SGCB: variants seen among roughly 807,000 people sequenced by gnomAD.
SGCB encodes the protein beta-sarcoglycan.
Under a neutral mutation model 27.3 loss-of-function variants are expected in SGCB, and 25 were observed. That is an observed-to-expected ratio of 0.92 (90% CI 0.67 to 1.28). The LOEUF (loss-of-function observed/expected upper bound fraction) is 1.28. Ranked by LOEUF, SGCB falls within the 50% of genes most tolerant of loss-of-function variation. SGCB has a pLI of 0.00. For missense variants in SGCB, 436 were observed against 402.1 expected (o/e 1.08, Z -0.72); for synonymous variants, 147 against 133.5 (o/e 1.10, Z -0.70).
At chr4:52,032,101 G>A (rs1348251315) in intron 2 of SGCB, 1 of 361,510 alleles carries the variant, frequency 2.8e-6, no homozygotes, top group African/African-American at 2.1e-5. Context: ...AGTGTGTCCA[G>A]AGACACACTA....
chr4:52,027,897 T>C, intron 5 of SGCB, 71 bp downstream of exon 5: 4 of 1,356,122 alleles, frequency 2.9e-6, no homozygotes, highest in Non-Finnish European at 4.2e-6. Flanking sequence ...AATAATTGTA[T>C]ACTATTCCAC....
Position 52,023,836 on chromosome 4 carries a change from T to C in SGCB, c.*121A>G. On this transcript the variant is annotated 3_prime_UTR_variant, in exon 6 of 6. Transcript: ENST00000381431. ...TTAACTATGTAGACCATAAAACAGA[T>C]ACAGCAGTGCTCTGCCATTAAAATA... 1 of 771,414 alleles carries C rather than the reference T, an allele frequency of 1.3e-6. No individual in the cohort carries two copies. Among genetic ancestry groups the C allele is most frequent in the South Asian group, 1.5e-5 (1 of 68,654 alleles). The allele number at this position is 771,414 out of a possible 1,614,324, so 47.8% of individuals were successfully genotyped here.
At chr4:52,025,089 A>G (rs998643384) in intron 5 of SGCB, among the ~76,000 whole-genome samples, 3 of 152,090 alleles carry the variant, frequency 2.0e-5, no homozygotes, top group Non-Finnish European at 4.4e-5. Flanking sequence ...CACTCAACAA[A>G]TAATTACTGA....
Position 52,028,204 on chromosome 4 carries a change from A to G in SGCB, c.622-105T>C, listed in dbSNP as rs188923460. Reference sequence around the variant, plus strand: ...CTTCAGTCATGAGAGATGAAAGTCAAATGTTTCTATTAATGTTTTAGAGAT... The same window carrying G: ...CTTCAGTCATGAGAGATGAAAGTCAGATGTTTCTATTAATGTTTTAGAGAT... On this transcript the variant is annotated intron_variant, in intron 4 of 5. Transcript: ENST00000381431. The G allele has an allele frequency of 3.5e-6, 3 of 866,130 alleles. No individual in the cohort carries two copies. The African/African-American group carries it at 5.1e-5, about 15-fold the overall frequency. The allele number at this position is 866,130 out of a possible 1,614,324, so 53.7% of individuals were successfully genotyped here. A position where few individuals can be genotyped will look rare whatever the true frequency, so the allele number is the denominator to read the frequency against.
chr4:52,032,847 A>G (rs1194661871), intron 2 of SGCB, among the ~76,000 whole-genome samples: 1 of 152,226 alleles, frequency 6.6e-6, no homozygotes, highest in African/African-American at 2.4e-5. Context: ...TTCAGATTAA[A>G]AGGATTTCTT....
intron 2 of SGCB, chr4:52,031,816 G>T: frequency 2.3e-6 from 1 of 441,914 alleles, no homozygotes; most frequent in South Asian, 1.6e-5. Flanking sequence ...GAGGGGTAGG[G>T]CTTGTGACTG....
chr4:52,026,744 A>C (rs1219559391), intron 5 of SGCB, among the ~76,000 whole-genome samples: 1 of 152,210 alleles, frequency 6.6e-6, no homozygotes, highest in Non-Finnish European at 1.5e-5. Flanking sequence ...TATATTTCAA[A>C]GTATTTAAAT....
rs753461705 is a variant in SGCB at position 52,028,929 on chromosome 4, A to G, written c.430-8T>C. On this transcript the variant is annotated splice_region_variant and splice_polypyrimidine_tract_variant and intron_variant, in intron 3 of 5. Transcript: ENST00000381431. ...CCCTTGCTGAAAAACAATCTTCAAA[A>G]AAAACAGTTTATTGTGAATATATTT... The G allele has an allele frequency of 6.2e-7, 1 of 1,607,190 alleles. No homozygotes were observed. The highest frequency in any genetic ancestry group is 1.7e-5 in the Admixed American group (1 of 60,020).
intron 1 of SGCB, 76 bp downstream of exon 1, chr4:52,038,151 G>C (rs1578129946): frequency 1.8e-6 from 2 of 1,125,166 alleles, no homozygotes; most frequent in East Asian, 9.5e-5. Context: ...CCCCGGCCAG[G>C]GCTCCCGCGG....
intron 5 of SGCB, 105 bp downstream of exon 5, chr4:52,027,863 A>T (rs1737141388): frequency 2.0e-5 from 23 of 1,126,382 alleles, no homozygotes; most frequent in Non-Finnish European, 3.0e-5. Flanking sequence ...TCCATGTCAA[A>T]AAATAGACAA....
intron 2 of SGCB, chr4:52,031,857 T>C: frequency 2.2e-6 from 1 of 454,450 alleles, no homozygotes. Context: ...ATTACATGGC[T>C]TTTTCACCGG....
At chr4:52,028,149 G>A in intron 4 of SGCB, 50 bp from the exon 5 acceptor site, 9 of 1,423,664 alleles carry the variant, frequency 6.3e-6, no homozygotes, top group South Asian at 1.2e-5. Context: ...ATTAATGTGA[G>A]AATTGTTATC....
chr4:52,032,019 T>C (rs1045366533), intron 2 of SGCB: 46 of 451,574 alleles, frequency 1.0e-4, no homozygotes, highest in African/African-American at 8.7e-4. Flanking sequence ...GGACCCAGAC[T>C]TTCCTGTTTC....
In SGCB at chr4:52,027,674, A is replaced by G. The variant is rs377190967; in HGVS notation, c.753+294T>C. Among the ~76,000 whole-genome samples, 75 of 151,320 alleles carry G rather than the reference A, an allele frequency of 5.0e-4. 1 individual carries two copies. The South Asian group carries it at 0.015, about 31-fold the overall frequency. On this transcript the variant is annotated intron_variant, in intron 5 of 5. Transcript: ENST00000381431. ...AAAGAAACAGAAAATACAGGCTAGT[A>G]GAAATAAAAATAAAACAAATAATCT...
In SGCB at chr4:52,037,474, T is replaced by C. The variant is rs1037044126; in HGVS notation, c.33+753A>G. On this transcript the variant is annotated intron_variant, in intron 1 of 5. Transcript: ENST00000381431. Reference sequence around the variant, plus strand: ...ATAATTGTTCAAAGGAAAAGTAAGTTAGGTAAGGGGGAAAGTTACTGAAAA... The same window carrying C: ...ATAATTGTTCAAAGGAAAAGTAAGTCAGGTAAGGGGGAAAGTTACTGAAAA... 1.3e-5 allele frequency among the ~76,000 whole-genome samples: 2 copies of C among 152,294 alleles called. 1 individual carries two copies. The highest frequency in any genetic ancestry group is 4.1e-4 in the South Asian group (2 of 4,822).
At chr4:52,035,657 G>T (rs1460844341) in intron 1 of SGCB, among the ~76,000 whole-genome samples, 1 of 152,160 alleles carries the variant, frequency 6.6e-6, no homozygotes, top group African/African-American at 2.4e-5. Flanking sequence ...GTAAGCTGCT[G>T]GGGATGTTGT....
chr4:52,031,868 G>C, intron 2 of SGCB: 1 of 455,388 alleles, frequency 2.2e-6, no homozygotes, highest in South Asian at 1.6e-5. Flanking sequence ...TTTTCACCGG[G>C]ACTTGCCAAA....
chr4:52,038,167 G>A, intron 1 of SGCB, 60 bp downstream of exon 1: 1 of 1,127,608 alleles, frequency 8.9e-7, no homozygotes, highest in Non-Finnish European at 1.1e-6. Context: ...CGCGGGCCCA[G>A]CCGGCAGGAC....
chr4:52,028,611 G>A (rs899598415), intron 4 of SGCB, 119 bp downstream of exon 4: 1 of 767,246 alleles, frequency 1.3e-6, no homozygotes, highest in Non-Finnish European at 2.2e-6. Context: ...ACTCCAGCCT[G>A]GGCGACAGAG....
Sources: gnomAD v4.1 joint callset for allele counts (sites outside exome capture counted in the v4.1 genomes callset) on GRCh38, gnomAD v4.1.1 for gene constraint, MANE v1.5 for transcripts, NCBI Gene and HGNC (gene_info 2026-07-23, HGNC 2026-07-21) for gene names.